The following EPC1 variants were observed in gnomAD, a reference collection of about 807,000 sequenced individuals.
EPC1 encodes the protein enhancer of polycomb homolog 1.
A neutral mutation model predicts 98.4 loss-of-function variants in EPC1; 12 were observed. The observed-to-expected ratio is 0.12, with a 90% CI of 0.08 to 0.20. The LOEUF (loss-of-function observed/expected upper bound fraction) is 0.20, where lower values mean the gene tolerates loss of function less well. Ranked by LOEUF, EPC1 falls within the 10% of genes least tolerant of loss-of-function variation. The pLI, the probability that EPC1 is intolerant of heterozygous loss-of-function variation, is 1.00. For synonymous variants in EPC1, 357 were observed against 363.9 expected (o/e 0.98, Z 0.21); for missense variants, 729 against 990.5 (o/e 0.74, Z 3.54).
At chr10:32,343,393 T>C (rs2479348) in intron 1 of EPC1, among the ~76,000 whole-genome samples, 99,234 of 151,786 alleles carry the variant, frequency 0.65, 32,853 homozygotes, top group Middle Eastern at 0.78. Flanking sequence ...GTATTTTTAG[T>C]AGAGACAGGG....
intron 10 of EPC1, 24 bp downstream of exon 10, chr10:32,284,674 G>T: frequency 6.4e-7 from 1 of 1,552,888 alleles, no homozygotes; most frequent in Non-Finnish European, 8.8e-7. Context: ...CTATAGAAAC[G>T]TACATCATTA....
chr10:32,280,479 G>A (rs376742186), intron 10 of EPC1, among the ~76,000 whole-genome samples: 2 of 149,602 alleles, frequency 1.3e-5, no homozygotes, highest in African/African-American at 2.5e-5. Flanking sequence ...GGTGGCTCAC[G>A]CCTGTAATCC....
At chr10:32,362,550 C>T (rs562977267) in intron 1 of EPC1, among the ~76,000 whole-genome samples, 10 of 152,278 alleles carry the variant, frequency 6.6e-5, no homozygotes, top group South Asian at 2.1e-4. Flanking sequence ...AAGGCCTCCC[C>T]GGAAGCCGAG....
chr10:32,360,747 A>T (rs1467804796), intron 1 of EPC1, among the ~76,000 whole-genome samples: 1 of 152,122 alleles, frequency 6.6e-6, no homozygotes, highest in African/African-American at 2.4e-5. Flanking sequence ...TACGAAACTT[A>T]GCCAGGCGCA....
intron 11 of EPC1, among the ~76,000 whole-genome samples, chr10:32,272,580 A>C (rs766355553): frequency 6.6e-6 from 1 of 152,230 alleles, no homozygotes; most frequent in Non-Finnish European, 1.5e-5. Flanking sequence ...ACACATATGT[A>C]TACACACACA....
chr10:32,346,952 C>A lies in EPC1; in HGVS notation c.-37G>T. On this transcript the variant is annotated 5_prime_UTR_variant, in exon 1 of 14. Coordinates refer to ENST00000319778, the MANE Select transcript of EPC1 (RefSeq NM_001272004.3). ...CAGATACCTCTCCGCTCTGGGGAAA[C>A]GGCCCCGGCCAGCGGGATCATGGAG... 1 of 1,606,726 alleles carries A rather than the reference C, an allele frequency of 6.2e-7. No individual in the cohort carries two copies. The highest frequency in any genetic ancestry group is 2.2e-5 in the East Asian group (1 of 44,780).
intron 1 of EPC1, among the ~76,000 whole-genome samples, chr10:32,374,879 G>A (rs977264142): frequency 7.9e-5 from 12 of 151,944 alleles, no homozygotes; most frequent in African/African-American, 2.7e-4. Flanking sequence ...ACAAACCCCC[G>A]AATAAAAATA....
chr10:32,309,493 C>CTTTTTTTTTTTT (rs67775039), intron 1 of EPC1, among the ~76,000 whole-genome samples: 1 of 142,440 alleles, frequency 7.0e-6, no homozygotes. Context: ...TATTTTCAAG[C>CTTTTTTTTTTTT]TTTTTTTTTT....
At chr10:32,270,012 C>T (rs986387099) in intron 13 of EPC1, among the ~76,000 whole-genome samples, 3 of 152,194 alleles carry the variant, frequency 2.0e-5, no homozygotes, top group African/African-American at 7.2e-5. Context: ...TATACAAAAA[C>T]CAGTTTACTT....
chr10:32,336,763 T>G (rs1412787602), intron 1 of EPC1, among the ~76,000 whole-genome samples: 1 of 152,140 alleles, frequency 6.6e-6, no homozygotes, highest in African/African-American at 2.4e-5. Flanking sequence ...AAAAAAAAAG[T>G]TCCTGTTGGA....
chr10:32,352,042 ATT>A (rs35657158), upstream of EPC1, among the ~76,000 whole-genome samples: 56 of 93,446 alleles, frequency 6.0e-4, no homozygotes, highest in East Asian at 1.3e-3. Context: ...AGCCATATTG[ATT>A]TTTTTTTTTT....
intron 1 of EPC1, among the ~76,000 whole-genome samples, chr10:32,312,085 C>T (rs1019247536): frequency 5.3e-5 from 8 of 152,154 alleles, no homozygotes; most frequent in Admixed American, 5.2e-4. Flanking sequence ...CACCAGGAGC[C>T]TGAGACGAGG....
At chr10:32,309,299 A>C (rs935571437) in intron 1 of EPC1, among the ~76,000 whole-genome samples, 1 of 152,170 alleles carries the variant, frequency 6.6e-6, no homozygotes, top group African/African-American at 2.4e-5. Flanking sequence ...TCCTAAGACA[A>C]AGAAATGATA....
At chr10:32,297,883 C>T (rs12255856) in intron 2 of EPC1, among the ~76,000 whole-genome samples, 2,865 of 152,146 alleles carry the variant, frequency 0.019, 81 homozygotes, top group African/African-American at 0.062. Flanking sequence ...CTGCAAGCTC[C>T]GCCTCCCGGA....
At chr10:32,288,312 CTTTTTTTT>C (rs5784278) in intron 6 of EPC1, among the ~76,000 whole-genome samples, 9 of 124,094 alleles carry the variant, frequency 7.3e-5, no homozygotes, top group African/African-American at 9.7e-5. Flanking sequence ...TTACTTTTTT[CTTTTTTTT>C]TTTTTTTTTT....
Position 32,284,754 on chromosome 10 carries a change from G to A in EPC1, c.1688C>T (p.Thr563Ile). The A allele has an allele frequency of 6.2e-7, 1 of 1,614,148 alleles. No homozygotes were observed. The highest frequency in any genetic ancestry group is 8.5e-7 in the Non-Finnish European group (1 of 1,180,034). Residue 563 changes from threonine (T) to isoleucine (I), a missense_variant, in exon 10 of 14, where the codon ACC becomes ATC. Thr to Ile is a moderately conservative substitution (Grantham distance 89). Around this residue, in one of 6 missense-constraint regions of EPC1, gnomAD observed 390 missense variants for 438.6 expected, o/e 0.89. Coordinates refer to ENST00000319778, the MANE Select transcript of EPC1 (RefSeq NM_001272004.3). Reference sequence around the variant, plus strand: ...TTGCGTAGAGGTACTGCATGTCTGGGTCCCAGGTTGTGCTGTTCCTGTTCG... The same window carrying A: ...TTGCGTAGAGGTACTGCATGTCTGGATCCCAGGTTGTGCTGTTCCTGTTCG... ...INRTGTAQPG[T>I]QTCSTSTQSK...
intron 10 of EPC1, chr10:32,283,326 T>G (rs1836506731): frequency 6.6e-6 from 1 of 151,442 alleles, no homozygotes; most frequent in Non-Finnish European, 1.5e-5. Context: ...ATGAATTTCT[T>G]TTTTTTTTGA....
At chr10:32,346,656 G>A in intron 1 of EPC1, 107 bp downstream of exon 1, 1 of 1,114,750 alleles carries the variant, frequency 9.0e-7, no homozygotes, top group South Asian at 1.4e-5. Context: ...AGTCGGCGGC[G>A]AAGAGAAGAT....
chr10:32,338,008 C>T (rs1463898608), intron 1 of EPC1, among the ~76,000 whole-genome samples: 3 of 152,222 alleles, frequency 2.0e-5, no homozygotes, highest in East Asian at 1.9e-4. Context: ...GCATTCCATG[C>T]GATTCATAAG....
Sources: allele counts gnomAD v4.1 joint callset (sites outside exome capture counted in the v4.1 genomes callset), GRCh38; gene constraint gnomAD v4.1.1; regional missense constraint gnomAD v4.1.1; transcripts MANE v1.5; gene names NCBI Gene and HGNC (gene_info 2026-07-23, HGNC 2026-07-21).